SYNE1: variants seen among roughly 807,000 people sequenced by gnomAD.
SYNE1 encodes the protein nesprin-1.
In SYNE1, 616 loss-of-function variants were observed where a neutral mutation model predicts 1,111.0. The ratio of observed to expected loss-of-function variants is 0.55; its 90% CI spans 0.52 to 0.59. SYNE1 has a LOEUF of 0.59. Among genes scored for constraint, SYNE1 ranks in the 20% least tolerant of loss-of-function variants. The pLI, the probability that SYNE1 is intolerant of heterozygous loss-of-function variation, is 0.00. For synonymous variants in SYNE1, 3,855 were observed against 3,825.8 expected (o/e 1.01, Z -0.28); for missense variants, 10,006 against 10,417.0 (o/e 0.96, Z 1.72).
At chr6:152,425,221 T>C (rs1470301887) in intron 39 of SYNE1, among the ~76,000 whole-genome samples, 160 bp downstream of exon 39, 3 of 152,244 alleles carry the variant, frequency 2.0e-5, no homozygotes, top group Non-Finnish European at 4.4e-5. Context: ...CTCAGTTTTG[T>C]GGACCTTGAT....
At chr6:152,386,332 A>C (rs1216603915) in intron 54 of SYNE1, among the ~76,000 whole-genome samples, 1 of 152,184 alleles carries the variant, frequency 6.6e-6, no homozygotes, top group Non-Finnish European at 1.5e-5. Flanking sequence ...CACATTCAAA[A>C]GTGTCAAAGC....
chr6:152,146,197 T>C (rs2059485503), intron 137 of SYNE1: 1 of 155,220 alleles, frequency 6.4e-6, no homozygotes, highest in African/African-American at 2.4e-5. Flanking sequence ...AGGTTCCTTA[T>C]CTAAGTTTAA....
chr6:152,301,779 T>A, intron 92 of SYNE1, 90 bp downstream of exon 92: 1 of 1,372,832 alleles, frequency 7.3e-7, no homozygotes, highest in African/African-American at 1.5e-5. Context: ...CGAAGGCTGG[T>A]CCCTGAAATC....
In SYNE1 at chr6:152,629,548, GA is replaced by G. The variant is rs1565300164; in HGVS notation, c.-223-995del. Among the ~76,000 whole-genome samples, 605 of 79,518 alleles carry G rather than the reference GA, an allele frequency of 7.6e-3. 2 individuals carry two copies. The highest frequency in any genetic ancestry group is 0.011 in the Non-Finnish European group (403 of 37,396). The allele number at this position is 79,518 out of a possible 152,430, so 52.2% of individuals were successfully genotyped here. On this transcript the variant is annotated intron_variant, in intron 2 of 145. Transcript: ENST00000367255. ...GGGGGGGGGGGGGGGAGGGGGAGGG[GA>G]GGAGGGGGTGCAGTGGGCTTTGGGA...
At chr6:152,390,825 T>C (rs1416515594) in intron 52 of SYNE1, among the ~76,000 whole-genome samples, 1 of 152,194 alleles carries the variant, frequency 6.6e-6, no homozygotes, top group Non-Finnish European at 1.5e-5. Context: ...GTCAGCTTCA[T>C]TGGCTATAGT....
chr6:152,141,542 A>G (rs1304579997), intron 138 of SYNE1, among the ~76,000 whole-genome samples: 1 of 152,002 alleles, frequency 6.6e-6, no homozygotes, highest in African/African-American at 2.4e-5. Flanking sequence ...GGATTGTTTG[A>G]ACTCAGGAGT....
intron 5 of SYNE1, among the ~76,000 whole-genome samples, chr6:152,523,217 A>T (rs1004953706): frequency 1.3e-5 from 2 of 151,894 alleles, no homozygotes; most frequent in African/African-American, 4.8e-5. Flanking sequence ...AGCCATCCTG[A>T]GTTGATTTTT....
chr6:152,421,981 C>G (rs1186265390), intron 39 of SYNE1, among the ~76,000 whole-genome samples: 3 of 152,208 alleles, frequency 2.0e-5, no homozygotes, highest in Non-Finnish European at 4.4e-5. Flanking sequence ...GCTGGGATTA[C>G]AGGTGTGAGC....
At chr6:152,338,237 T>C (rs916991006) in intron 75 of SYNE1, among the ~76,000 whole-genome samples, 2 of 152,206 alleles carry the variant, frequency 1.3e-5, no homozygotes, top group Non-Finnish European at 2.9e-5. Context: ...AAAAACCTTA[T>C]TATTTTGACA....
intron 101 of SYNE1, among the ~76,000 whole-genome samples, chr6:152,259,174 A>G (rs1008809051): frequency 2.6e-5 from 4 of 151,950 alleles, no homozygotes; most frequent in African/African-American, 9.7e-5. Context: ...CTTAAAATCT[A>G]CTACTTTAAT....
intron 22 of SYNE1, among the ~76,000 whole-genome samples, chr6:152,456,272 T>A (rs1017851274): frequency 2.5e-5 from 1 of 39,534 alleles, no homozygotes; most frequent in South Asian, 9.6e-4. Flanking sequence ...TACAAAGAGT[T>A]TTTTTTTTTG....
At chr6:152,239,904 A>G (rs1481420091) in intron 107 of SYNE1, among the ~76,000 whole-genome samples, 198 bp from the exon 108 acceptor site, 1 of 152,156 alleles carries the variant, frequency 6.6e-6, no homozygotes, top group East Asian at 1.9e-4. Flanking sequence ...CTAAAAATAC[A>G]AAAATCAGCC....
Position 152,269,020 on chromosome 6 carries a change from T to C in SYNE1, c.18705+135A>G, listed in dbSNP as rs538953101. 1.0e-5 allele frequency: 14 copies of C among 1,334,886 alleles called. No homozygotes were observed. The South Asian group carries it at 1.6e-4, about 15-fold the overall frequency. The allele number at this position is 1,334,886 out of a possible 1,614,324, so 82.7% of individuals were successfully genotyped here. A position where few individuals can be genotyped will look rare whatever the true frequency, so the allele number is the denominator to read the frequency against. On this transcript the variant is annotated intron_variant, in intron 99 of 145. Transcript: ENST00000367255. ...TCAATACACTGAAACACCAACATCT[T>C]GCTTCATTCAAAGAGAAGATAAAGA...
chr6:152,163,602 G>A (rs1286720073), intron 131 of SYNE1, among the ~76,000 whole-genome samples: 1 of 151,836 alleles, frequency 6.6e-6, no homozygotes, highest in Admixed American at 6.6e-5. Flanking sequence ...GCTTTGTTGG[G>A]TTGTACGCCG....
rs77652136 is a variant in SYNE1 at position 152,130,977 on chromosome 6, C to T, written c.26095-199G>A. 1.1e-3 allele frequency among the ~76,000 whole-genome samples: 171 copies of T among 152,278 alleles called. 1 individual carries two copies. The East Asian group carries it at 0.018, about 16-fold the overall frequency. ...AAATTTATATCTATGTGATTAGCCA[C>T]TGATAAAACATTAAGTTGGGATTCT... On this transcript the variant is annotated intron_variant, in intron 144 of 145. Coordinates refer to ENST00000367255, the MANE Select transcript of SYNE1 (RefSeq NM_182961.4).
chr6:152,231,425 C>A lies in SYNE1; in HGVS notation c.21005G>T (p.Ser7002Ile). The A allele has an allele frequency of 1.2e-6, 2 of 1,614,162 alleles. No homozygotes were observed. Among genetic ancestry groups the A allele is most frequent in the Non-Finnish European group, 1.7e-6 (2 of 1,180,030 alleles). Reference sequence around the variant, plus strand: ...TACTAGACCTTGCAGAATTTGCCAACTTTTATTCATTGCTCCAAGTTGCTC... The same window carrying A: ...TACTAGACCTTGCAGAATTTGCCAAATTTTATTCATTGCTCCAAGTTGCTC... ...FAEQLGAMNK[S>I]WQILQGLVTE... Residue 7002 changes from serine (S) to isoleucine (I), a missense_variant, in exon 114 of 146, where the codon AGT (serine) becomes ATT (isoleucine). Coordinates refer to ENST00000367255, the MANE Select transcript of SYNE1 (RefSeq NM_182961.4).
chr6:152,282,163 A>G, intron 96 of SYNE1, 183 bp from the exon 97 acceptor site: 1 of 639,430 alleles, frequency 1.6e-6, no homozygotes, highest in Admixed American at 2.6e-5. Context: ...GTGAGTCTCA[A>G]AATTGGTATT....
At chr6:152,254,049 A>G (rs561358392) in intron 104 of SYNE1, among the ~76,000 whole-genome samples, 241 of 151,172 alleles carry the variant, frequency 1.6e-3, no homozygotes, top group Non-Finnish European at 2.7e-3. Context: ...GTATATATTC[A>G]TAGGAAAAGT....
intron 130 of SYNE1, among the ~76,000 whole-genome samples, chr6:152,164,580 C>T (rs1171241106): frequency 6.6e-6 from 1 of 152,164 alleles, no homozygotes; most frequent in Non-Finnish European, 1.5e-5. Flanking sequence ...ACACAGTTTT[C>T]CCAGTGTGAG....
Sources: allele counts gnomAD v4.1 joint callset (sites outside exome capture counted in the v4.1 genomes callset), GRCh38; gene constraint gnomAD v4.1.1; transcripts MANE v1.5; gene names NCBI Gene and HGNC (gene_info 2026-07-23, HGNC 2026-07-21).